BCL2: variants seen among roughly 807,000 people sequenced by gnomAD.
BCL2 encodes BCL2 apoptosis regulator, also known as apoptosis regulator Bcl-2.
In BCL2, 1 loss-of-function variant was observed where a neutral mutation model predicts 14.2. The ratio of observed to expected loss-of-function variants is 0.07; its 90% CI spans 0.02 to 0.33. The LOEUF is 0.33. BCL2 is among the 10% of genes least tolerant of loss of function. BCL2 has a pLI of 0.99. For missense variants in BCL2, 247 were observed against 305.9 expected (o/e 0.81, Z 1.44); for synonymous variants, 151 against 137.2 (o/e 1.10, Z -0.70).
intron 2 of BCL2, among the ~76,000 whole-genome samples, chr18:63,308,753 G>C (rs1913218358): frequency 6.7e-6 from 1 of 149,584 alleles, no homozygotes. Flanking sequence ...GGACATTTCA[G>C]ACACACACAC....
At position 63,124,675 on chromosome 18, in the gene BCL2, A is replaced by G. The variant is rs140875276; in HGVS notation, c.*3950T>C. Reference sequence around the variant, plus strand: ...AAAATCCCTGAAAGATCCAAATTGAATAACAATAAAGATCTGATTGGAACC... The same window carrying G: ...AAAATCCCTGAAAGATCCAAATTGAGTAACAATAAAGATCTGATTGGAACC... On this transcript the variant is annotated 3_prime_UTR_variant, in exon 3 of 3. Transcript: ENST00000333681. The G allele has an allele frequency of 4.8e-5, 11 of 230,382 alleles. No homozygotes were observed. Among genetic ancestry groups the G allele is most frequent in the South Asian group, 1.8e-4 (1 of 5,488 alleles). The allele number at this position is 230,382 out of a possible 1,614,324, so 14.3% of individuals were successfully genotyped here.
At chr18:63,223,465 T>G (rs1427164662) in intron 2 of BCL2, among the ~76,000 whole-genome samples, 1 of 151,966 alleles carries the variant, frequency 6.6e-6, no homozygotes, top group Non-Finnish European at 1.5e-5. Flanking sequence ...GATCCCTGGA[T>G]CCTTTCCTTG....
At chr18:63,282,977 G>A (rs1313565291) in intron 2 of BCL2, among the ~76,000 whole-genome samples, 1 of 152,124 alleles carries the variant, frequency 6.6e-6, no homozygotes, top group Non-Finnish European at 1.5e-5. Context: ...TTGTTCCTGG[G>A]ATTTCCACTG....
intron 2 of BCL2, among the ~76,000 whole-genome samples, chr18:63,231,082 A>G (rs1010936400): frequency 3.9e-5 from 6 of 152,082 alleles, no homozygotes; most frequent in African/African-American, 1.4e-4. Flanking sequence ...AGTAAGAGTC[A>G]ACATTAGAAA....
chr18:63,217,678 T>C (rs573472771), intron 2 of BCL2, among the ~76,000 whole-genome samples: 1 of 152,336 alleles, frequency 6.6e-6, no homozygotes, highest in African/African-American at 2.4e-5. Context: ...GCTTTTCCAC[T>C]AACTGGCCAC....
chr18:63,127,439 C>A lies in BCL2; in HGVS notation c.*1186G>T, dbSNP rs4987849. 1.0e-3 allele frequency: 246 copies of A among 235,332 alleles called. No homozygotes were observed. The highest frequency in any genetic ancestry group is 4.7e-3 in the African/African-American group (214 of 45,362). 14.6% of individuals were successfully genotyped at this position (235,332 alleles called of 1,614,324 possible). On this transcript the variant is annotated 3_prime_UTR_variant, in exon 3 of 3. Transcript: ENST00000333681. ...GAAGGGTCGTGGCTCCCATGCTCCA[C>A]GTGAAAACGGGCCTACCTGGAGGGC...
At position 63,128,729 on chromosome 18, in the gene BCL2, T is replaced by C. The variant is rs758367430; in HGVS notation, c.616A>G (p.Met206Val). ...CAGGAGAAATCAAACAGAGGCCGCA[T>C]GCTGGGGCCGTACAGTTCCACAAAG... Reference protein sequence around the residue: ...DAFVELYGPSMRPLFDFSWLS... With the variant: ...DAFVELYGPSVRPLFDFSWLS... The change falls in exon 3 of 3, where the codon ATG becomes GTG. Residue 206 changes from methionine to valine, a missense_variant. Physicochemically the swap from Met to Val is conservative, Grantham distance 21. Coordinates refer to ENST00000333681, the MANE Select transcript of BCL2 (RefSeq NM_000633.3). 4 of 780,860 alleles carry C rather than the reference T, an allele frequency of 5.1e-6. No individual in the cohort carries two copies. Among genetic ancestry groups the C allele is most frequent in the Admixed American group, 5.1e-5 (3 of 59,030 alleles). The allele number at this position is 780,860 out of a possible 1,614,324, so 48.4% of individuals were successfully genotyped here.
intron 2 of BCL2, among the ~76,000 whole-genome samples, chr18:63,301,916 G>GATA (rs1345497240): frequency 2.6e-5 from 4 of 152,162 alleles, no homozygotes; most frequent in African/African-American, 9.7e-5. Context: ...GGATCTTAAG[G>GATA]ATATGTAAAA....
intron 2 of BCL2, among the ~76,000 whole-genome samples, chr18:63,197,769 C>T (rs72943062): frequency 1.1e-3 from 167 of 152,044 alleles, no homozygotes; most frequent in Admixed American, 5.1e-3. Context: ...CCAATCGTCA[C>T]CAAATATTTT....
At chr18:63,255,437 C>T (rs987656715) in intron 2 of BCL2, among the ~76,000 whole-genome samples, 5 of 152,126 alleles carry the variant, frequency 3.3e-5, no homozygotes, top group African/African-American at 4.8e-5. Context: ...TTGAGGGACA[C>T]GACTGTCTAC....
At chr18:63,276,428 G>C (rs909353315) in intron 2 of BCL2, among the ~76,000 whole-genome samples, 3 of 152,084 alleles carry the variant, frequency 2.0e-5, no homozygotes, top group Non-Finnish European at 4.4e-5. Flanking sequence ...TAAGGGGTGG[G>C]GCCAGACAGG....
chr18:63,290,044 G>C (rs1008330007), intron 2 of BCL2, among the ~76,000 whole-genome samples: 1 of 152,150 alleles, frequency 6.6e-6, no homozygotes, highest in African/African-American at 2.4e-5. Context: ...AGGAATGGAG[G>C]GCAGTGAAGG....
chr18:63,216,623 C>T (rs941737365), intron 2 of BCL2, among the ~76,000 whole-genome samples: 1 of 152,052 alleles, frequency 6.6e-6, no homozygotes, highest in Non-Finnish European at 1.5e-5. Context: ...GAACCCATAT[C>T]AAGGAAAGGT....
chr18:63,308,309 T>G (rs1263797908), intron 2 of BCL2, among the ~76,000 whole-genome samples: 1 of 152,240 alleles, frequency 6.6e-6, no homozygotes, highest in African/African-American at 2.4e-5. Flanking sequence ...ACTTTTGTGC[T>G]GCAGTTCTTT....
Position 63,169,281 on chromosome 18 carries a change from T to C in BCL2, c.586-40522A>G, listed in dbSNP as rs1215564611. Among the ~76,000 whole-genome samples the C allele has an allele frequency of 1.8e-4, 12 of 67,288 alleles. 1 individual carries two copies. The highest frequency in any genetic ancestry group is 1.1e-3 in the African/African-American group (11 of 9,726). The allele number at this position is 67,288 out of a possible 152,430, so 44.1% of individuals were successfully genotyped here. ...CTTTCTTTCTTTCTTTCTTTCTTTC[T>C]TTCTTTCTTTCTTTCTTTCTTTCTT... On this transcript the variant is annotated intron_variant, in intron 2 of 2. Coordinates refer to ENST00000333681, the MANE Select transcript of BCL2 (RefSeq NM_000633.3).
chr18:63,132,402 T>G (rs1227606014), intron 2 of BCL2, among the ~76,000 whole-genome samples: 1 of 152,234 alleles, frequency 6.6e-6, no homozygotes, highest in African/African-American at 2.4e-5. Flanking sequence ...GAAGTTCTGC[T>G]GAGCCTGCCG....
chr18:63,154,509 A>C (rs964576353), intron 2 of BCL2, among the ~76,000 whole-genome samples: 1 of 151,808 alleles, frequency 6.6e-6, no homozygotes, highest in Non-Finnish European at 1.5e-5. Flanking sequence ...CCCCACACCC[A>C]CTGCTTGCCT....
intron 2 of BCL2, among the ~76,000 whole-genome samples, chr18:63,150,562 G>C (rs948606298): frequency 6.6e-6 from 1 of 152,012 alleles, no homozygotes; most frequent in African/African-American, 2.4e-5. Flanking sequence ...AGTTTTCTCT[G>C]GAGTGACTTT....
chr18:63,198,453 CAG>C lies in BCL2; in HGVS notation c.586-69696_586-69695del, dbSNP rs1271804707. 7.3e-5 allele frequency among the ~76,000 whole-genome samples: 11 copies of C among 149,944 alleles called. No homozygotes were observed. In the East Asian group the frequency reaches 1.8e-3, roughly 24 times the overall value. On this transcript the variant is annotated intron_variant, in intron 2 of 2. Coordinates refer to ENST00000333681, the MANE Select transcript of BCL2 (RefSeq NM_000633.3). Reference sequence around the variant, plus strand: ...ACAGACACACACTGACACACAGACACAGAGACACACACAGACACACACTGACA... The same window carrying C: ...ACAGACACACACTGACACACAGACACAGACACACACAGACACACACTGACA...
Sources: allele counts gnomAD v4.1 joint callset (sites outside exome capture counted in the v4.1 genomes callset), GRCh38; gene constraint gnomAD v4.1.1; transcripts MANE v1.5; gene names NCBI Gene and HGNC (gene_info 2026-07-23, HGNC 2026-07-21).